MBNL1: variants seen among roughly 807,000 people sequenced by gnomAD.
MBNL1 encodes muscleblind like splicing regulator 1.
Under a neutral mutation model 42.2 loss-of-function variants are expected in MBNL1, and 8 were observed. The observed-to-expected ratio is 0.19, with a 90% confidence interval of 0.11 to 0.34. The LOEUF is 0.34. Ranked by LOEUF, MBNL1 falls within the 10% of genes least tolerant of loss-of-function variation. MBNL1 has a pLI of 1.00. For synonymous variants in MBNL1, 169 were observed against 173.9 expected (o/e 0.97, Z 0.22); for missense variants, 309 against 495.3 (o/e 0.62, Z 3.57).
chr3:152,312,647 G>A (rs114865247), intron 2 of MBNL1, among the ~76,000 whole-genome samples: 160 of 152,238 alleles, frequency 1.1e-3, no homozygotes, highest in African/African-American at 3.8e-3. Context: ...TTGTTATATA[G>A]ATTCAAACTT....
chr3:152,287,230 T>A (rs1467510534), intron 1 of MBNL1, among the ~76,000 whole-genome samples: 37 of 149,130 alleles, frequency 2.5e-4, no homozygotes, highest in East Asian at 1.4e-3. Flanking sequence ...AAAAAAAAAA[T>A]GGTTGTATAT....
chr3:152,247,509 T>A lies in MBNL1; in HGVS notation n.333+3069T>A, dbSNP rs188130901. On this transcript the variant is annotated intron_variant and non_coding_transcript_variant, in intron 2 of 2. Transcript: ENST00000477171. ...GGGTAAGCCATTTTATATTTCTGAA[T>A]ACTTCCATTTAAAAAAATAAATGAA... Among the ~76,000 whole-genome samples the A allele has an allele frequency of 5.2e-4, 79 of 152,098 alleles. 1 individual carries two copies. Among genetic ancestry groups the A allele is most frequent in the African/African-American group, 1.6e-3 (68 of 41,560 alleles).
chr3:152,293,874 T>C (rs1417585741), intron 1 of MBNL1, among the ~76,000 whole-genome samples: 1 of 152,186 alleles, frequency 6.6e-6, no homozygotes, highest in Non-Finnish European at 1.5e-5. Flanking sequence ...CAAAAGAGAA[T>C]TTCATTTTCA....
At chr3:152,292,763 T>C (rs1471792320) in intron 1 of MBNL1, among the ~76,000 whole-genome samples, 1 of 152,062 alleles carries the variant, frequency 6.6e-6, no homozygotes, top group Admixed American at 6.5e-5. Context: ...TAAAAATTTA[T>C]TTAATTAATA....
chr3:152,341,116 T>C, intron 2 of MBNL1: 2 of 517,072 alleles, frequency 3.9e-6, no homozygotes, highest in Non-Finnish European at 6.2e-6. Flanking sequence ...ATGAAATGTT[T>C]TGAAGTGCAT....
At chr3:152,432,435 CA>C (rs570450133) in intron 3 of MBNL1, among the ~76,000 whole-genome samples, 32 of 145,978 alleles carry the variant, frequency 2.2e-4, no homozygotes, top group African/African-American at 3.0e-4. Flanking sequence ...ATCTATTTTT[CA>C]AAAAAAAAAT....
At chr3:152,360,543 A>T (rs2153114953) in intron 2 of MBNL1, among the ~76,000 whole-genome samples, 1 of 152,044 alleles carries the variant, frequency 6.6e-6, no homozygotes, top group African/African-American at 2.4e-5. Context: ...CCTTTCTATG[A>T]TGCCTTCTCT....
intron 2 of MBNL1, among the ~76,000 whole-genome samples, chr3:152,384,580 G>A (rs913251220): frequency 6.6e-6 from 1 of 152,074 alleles, no homozygotes; most frequent in African/African-American, 2.4e-5. Context: ...ATAGATTGCA[G>A]TGAGCATATT....
At chr3:152,316,101 A>T (rs1372950454) in intron 2 of MBNL1, among the ~76,000 whole-genome samples, 1 of 151,696 alleles carries the variant, frequency 6.6e-6, no homozygotes, top group African/African-American at 2.4e-5. Context: ...AAGAAGTACC[A>T]CTCTCTCCCT....
intron 2 of MBNL1, among the ~76,000 whole-genome samples, chr3:152,301,723 C>T (rs571291440): frequency 6.6e-6 from 1 of 152,250 alleles, no homozygotes; most frequent in Non-Finnish European, 1.5e-5. Flanking sequence ...TGAGAGGCAT[C>T]AGTGAAGGGC....
intron 2 of MBNL1, among the ~76,000 whole-genome samples, chr3:152,382,192 AGCT>A (rs2097204154): frequency 6.6e-6 from 1 of 152,132 alleles, no homozygotes; most frequent in South Asian, 2.1e-4. Flanking sequence ...ATGGAAAACT[AGCT>A]GACCACTCTG....
chr3:152,253,850 A>G (rs770507622), intron 2 of MBNL1, among the ~76,000 whole-genome samples: 1 of 152,028 alleles, frequency 6.6e-6, no homozygotes, highest in Non-Finnish European at 1.5e-5. Context: ...AGTATTCCCA[A>G]CCCCATCACT....
At chr3:152,452,555 G>T (rs1580778076) in intron 6 of MBNL1, among the ~76,000 whole-genome samples, 3 of 152,148 alleles carry the variant, frequency 2.0e-5, no homozygotes, top group Admixed American at 2.0e-4. Context: ...TACTCCAGGG[G>T]TTCTGTGCTT....
chr3:152,430,576 G>A (rs775800931), intron 3 of MBNL1, among the ~76,000 whole-genome samples: 1 of 152,188 alleles, frequency 6.6e-6, no homozygotes, highest in Non-Finnish European at 1.5e-5. Context: ...TATGCAATCT[G>A]ACAATGTATA....
chr3:152,433,066 TA>T (rs2099027204), intron 4 of MBNL1, 146 bp downstream of exon 4: 1 of 639,396 alleles, frequency 1.6e-6, no homozygotes, highest in African/African-American at 1.8e-5. Flanking sequence ...TTTACTAGAG[TA>T]TAGATAATGC....
At chr3:152,273,040 A>C (rs2042835374) in intron 1 of MBNL1, among the ~76,000 whole-genome samples, 1 of 152,200 alleles carries the variant, frequency 6.6e-6, no homozygotes, top group South Asian at 2.1e-4. Context: ...GAGTTGCCTC[A>C]GCTTGGTGCC....
At position 152,456,333 on chromosome 3, in the gene MBNL1, C is replaced by G; in HGVS notation, c.1064C>G (p.Pro355Arg). The change falls in exon 8 of 10, where the codon CCC becomes CGC. Residue 355 changes from proline to arginine, a missense_variant. Pro to Arg is a moderately radical substitution (Grantham distance 103). Transcript: ENST00000324210. ...GCAACAACATCTGCCACAAGTGTTC[C>G]CTTCGCTGCAACAGCCACAGCCAAC... ...SAATTSATSVPFAATATANQI... is the reference protein window; with the variant it reads ...SAATTSATSVRFAATATANQI... The G allele has an allele frequency of 6.2e-7, 1 of 1,614,024 alleles. No homozygotes were observed. Among genetic ancestry groups the G allele is most frequent in the Non-Finnish European group, 8.5e-7 (1 of 1,179,920 alleles).
intron 4 of MBNL1, among the ~76,000 whole-genome samples, chr3:152,438,896 G>T (rs370262130): frequency 6.6e-6 from 1 of 152,108 alleles, no homozygotes; most frequent in Non-Finnish European, 1.5e-5. Flanking sequence ...GACTGTTAAG[G>T]TAATTCATAT....
chr3:152,301,163 T>C (rs1201016472), intron 2 of MBNL1, among the ~76,000 whole-genome samples: 1 of 152,220 alleles, frequency 6.6e-6, no homozygotes, highest in African/African-American at 2.4e-5. Context: ...ATATTTACTT[T>C]AGTGTTTCTT....
Sources: gnomAD v4.1 joint callset for allele counts (sites outside exome capture counted in the v4.1 genomes callset) on GRCh38, gnomAD v4.1.1 for gene constraint, MANE v1.5 for transcripts, NCBI Gene and HGNC (gene_info 2026-07-23, HGNC 2026-07-21) for gene names.